TTC23L: variants seen among roughly 807,000 people sequenced by gnomAD.
TTC23L encodes tetratricopeptide repeat domain 23 like.
Under a neutral mutation model 48.1 loss-of-function variants are expected in TTC23L, and 42 were observed. The ratio of observed to expected loss-of-function variants is 0.87; its 90% confidence interval spans 0.68 to 1.13. The LOEUF (loss-of-function observed/expected upper bound fraction) is 1.13, where lower values mean the gene tolerates loss of function less well. Among genes scored for constraint, TTC23L ranks in the 50% most tolerant of loss-of-function variants. The pLI, the probability that TTC23L is intolerant of heterozygous loss-of-function variation, is 0.00. For synonymous variants in TTC23L, 159 were observed against 157.2 expected (o/e 1.01, Z -0.09); for missense variants, 391 against 421.0 (o/e 0.93, Z 0.62).
At chr5:34,851,228 A>G (rs1208835541) in intron 4 of TTC23L, among the ~76,000 whole-genome samples, 1 of 152,206 alleles carries the variant, frequency 6.6e-6, no homozygotes, top group African/African-American at 2.4e-5. Context: ...AGGGGGGCCT[A>G]ACTTGTAATA....
Position 34,877,606 on chromosome 5 carries a change from T to TACA in TTC23L, c.950-2574_950-2573insCAA, listed in dbSNP as rs1761943813. ...GCCTGGCTAATTTTTGTATTTTTAG[T>TACA]AGAGACGGGGTTTCACCATGTTGGC... is the stretch of plus-strand genomic sequence containing the variant. On this transcript the variant is annotated intron_variant, in intron 8 of 10. Coordinates refer to ENST00000505624, the Ensembl canonical transcript of TTC23L. Among the ~76,000 whole-genome samples the TACA allele has an allele frequency of 8.5e-5, 13 of 152,170 alleles. 1 individual carries two copies. In the South Asian group the frequency reaches 2.7e-3, roughly 32 times the overall value.
the TTC23L span, among the ~76,000 whole-genome samples, chr5:34,912,295 C>T: frequency 6.6e-6 from 1 of 152,032 alleles, no homozygotes; most frequent in South Asian, 2.1e-4. Flanking sequence ...TATATTTCCT[C>T]GAATTTAAAA....
the TTC23L span, among the ~76,000 whole-genome samples, chr5:34,904,641 G>GTACT: frequency 2.0e-5 from 3 of 151,392 alleles, no homozygotes; most frequent in African/African-American, 7.3e-5. Flanking sequence ...GTTCAATGAC[G>GTACT]TACTACCTGC....
the TTC23L span, chr5:34,908,795 AG>A: frequency 1.9e-6 from 3 of 1,604,660 alleles, no homozygotes; most frequent in African/African-American, 4.0e-5. Context: ...CTTCTTCATC[AG>A]GGCAGCAGTA....
At chr5:34,910,411 G>A in the TTC23L span, among the ~76,000 whole-genome samples, 1 of 151,478 alleles carries the variant, frequency 6.6e-6, no homozygotes, top group African/African-American at 2.4e-5. Flanking sequence ...CATGACAAGG[G>A]CCTGTGATTC....
chr5:34,861,808 G>A (rs1488648297), intron 4 of TTC23L, among the ~76,000 whole-genome samples: 2 of 152,184 alleles, frequency 1.3e-5, no homozygotes, highest in Non-Finnish European at 2.9e-5. Context: ...AGGGGTGAAT[G>A]TGTTTACCAG....
At chr5:34,864,203 C>A (rs1760882921) in intron 5 of TTC23L, among the ~76,000 whole-genome samples, 1 of 152,220 alleles carries the variant, frequency 6.6e-6, no homozygotes. Context: ...ACACTGCCTA[C>A]CTACTCTAGT....
the TTC23L span, among the ~76,000 whole-genome samples, chr5:34,912,956 G>A: frequency 6.6e-6 from 1 of 152,316 alleles, no homozygotes; most frequent in East Asian, 1.9e-4. Flanking sequence ...AGCTGAGACT[G>A]TGCCATTGTA....
chr5:34,913,018 C>A, the TTC23L span, among the ~76,000 whole-genome samples: 2 of 152,064 alleles, frequency 1.3e-5, no homozygotes, highest in Admixed American at 1.3e-4. Flanking sequence ...ACCACAAAAT[C>A]ATTTGGCAAA....
At chr5:34,895,564 CAGA>C (rs1009300791) in intron 9 of TTC23L, among the ~76,000 whole-genome samples, 7 of 152,294 alleles carry the variant, frequency 4.6e-5, no homozygotes, top group East Asian at 1.9e-4. Context: ...TAGAAACCAA[CAGA>C]AGGAGCAGGG....
chr5:34,889,554 A>G (rs1365794553), intron 9 of TTC23L, among the ~76,000 whole-genome samples: 1 of 152,112 alleles, frequency 6.6e-6, no homozygotes, highest in Non-Finnish European at 1.5e-5. Flanking sequence ...GGTGGGCCCC[A>G]CAGGAGACTA....
chr5:34,925,042 A>G, the TTC23L span: 1 of 1,549,622 alleles, frequency 6.5e-7, no homozygotes, highest in Non-Finnish European at 8.7e-7. Context: ...GATTCTGTGA[A>G]GTAATTGCTG....
At chr5:34,902,145 C>CG (rs1361555790), downstream of TTC23L, among the ~76,000 whole-genome samples, 2 of 152,006 alleles carry the variant, frequency 1.3e-5, no homozygotes, top group African/African-American at 4.8e-5. Context: ...CTCAAATGGC[C>CG]GGGCGCGGTG....
At chr5:34,915,334 T>A in the TTC23L span, 2 of 233,514 alleles carry the variant, frequency 8.6e-6, no homozygotes, top group South Asian at 7.5e-5. Context: ...CCTCCAAGAG[T>A]CCCAGACAAC....
intron 2 of TTC23L, among the ~76,000 whole-genome samples, chr5:34,844,696 T>A (rs2150345696): frequency 6.6e-6 from 1 of 152,330 alleles, no homozygotes; most frequent in South Asian, 2.1e-4. Context: ...TTTGGGAGAC[T>A]TATTTATACT....
At chr5:34,865,643 C>T (rs1760995304) in intron 6 of TTC23L, among the ~76,000 whole-genome samples, 1 of 152,196 alleles carries the variant, frequency 6.6e-6, no homozygotes, top group Non-Finnish European at 1.5e-5. Context: ...AGACACTGTT[C>T]TAAGTGCTTT....
At chr5:34,851,028 GA>G (rs1759633481) in intron 4 of TTC23L, among the ~76,000 whole-genome samples, 1 of 152,126 alleles carries the variant, frequency 6.6e-6, no homozygotes, top group South Asian at 2.1e-4. Flanking sequence ...TTTCACCGTG[GA>G]ACTCATTGTA....
chr5:34,898,973 G>C (rs1344807319), intron 10 of TTC23L, among the ~76,000 whole-genome samples: 3 of 152,188 alleles, frequency 2.0e-5, no homozygotes, highest in Non-Finnish European at 4.4e-5. Flanking sequence ...AAACAAGCAA[G>C]AGAGATCTTT....
chr5:34,911,810 T>C, the TTC23L span: 19 of 1,614,036 alleles, frequency 1.2e-5, no homozygotes, highest in Non-Finnish European at 1.6e-5. Flanking sequence ...GCAGTTAAAG[T>C]CCCTGCAATG....
Sources: gnomAD v4.1 joint callset for allele counts (sites outside exome capture counted in the v4.1 genomes callset) on GRCh38, gnomAD v4.1.1 for gene constraint, MANE v1.5 for transcripts, NCBI Gene and HGNC (gene_info 2026-07-23, HGNC 2026-07-21) for gene names.